The following PPP3CA variants were observed in gnomAD, a reference collection of about 807,000 sequenced individuals.
The protein encoded by PPP3CA is protein phosphatase 3 catalytic subunit alpha.
PPP3CA carries 14 observed loss-of-function variants against 66.5 expected under a neutral mutation model. The ratio of observed to expected loss-of-function variants is 0.21; its 90% confidence interval spans 0.14 to 0.33. PPP3CA has a LOEUF of 0.33. PPP3CA is among the 10% of genes least tolerant of loss of function. The probability of loss-of-function intolerance (pLI) is 1.00; values close to 1 mark genes in which losing one functional copy is unlikely to be tolerated. For missense variants in PPP3CA, 317 were observed against 639.5 expected (o/e 0.50, Z 5.44); for synonymous variants, 232 against 226.2 (o/e 1.03, Z -0.23).
intron 1 of PPP3CA, among the ~76,000 whole-genome samples, chr4:101,285,599 A>ATGTGTGTGTGTGTG (rs56681112): frequency 4.0e-5 from 5 of 124,592 alleles, no homozygotes; most frequent in African/African-American, 1.5e-4. Context: ...CACTGTGTGT[A>ATGTGTGTGTGTGTG]TGTGTGTGTG....
intron 1 of PPP3CA, among the ~76,000 whole-genome samples, chr4:101,273,139 T>TTA (rs1727384272): frequency 6.6e-5 from 10 of 151,980 alleles, no homozygotes; most frequent in Admixed American, 3.9e-4. Flanking sequence ...GTAGGATAGA[T>TTA]ATTGTTTTGA....
At chr4:101,073,459 T>C (rs1729011505) in intron 8 of PPP3CA, among the ~76,000 whole-genome samples, 1 of 152,026 alleles carries the variant, frequency 6.6e-6, no homozygotes. Context: ...GTATGTTTAG[T>C]ACAGACGGGG....
intron 11 of PPP3CA, among the ~76,000 whole-genome samples, chr4:101,039,937 T>C (rs1727431396): frequency 6.9e-6 from 1 of 145,854 alleles, no homozygotes; most frequent in Admixed American, 6.8e-5. Context: ...TTCAAGAAAA[T>C]ATTTGTTTTC....
At chr4:101,308,768 T>A (rs1189350285) in intron 1 of PPP3CA, among the ~76,000 whole-genome samples, 3 of 152,212 alleles carry the variant, frequency 2.0e-5, no homozygotes, top group Non-Finnish European at 4.4e-5. Context: ...TTCATTTATT[T>A]TGTAGTCACA....
At chr4:101,253,723 T>C (rs1726749388) in intron 1 of PPP3CA, among the ~76,000 whole-genome samples, 1 of 152,120 alleles carries the variant, frequency 6.6e-6, no homozygotes, top group Admixed American at 6.6e-5. Context: ...ATGACTTATA[T>C]AAGAGCTTAC....
At chr4:101,057,332 T>C (rs1578408902) in intron 10 of PPP3CA, among the ~76,000 whole-genome samples, 1 of 152,158 alleles carries the variant, frequency 6.6e-6, no homozygotes. Context: ...GCTGGGATTA[T>C]AGGCATGAGC....
In PPP3CA at chr4:101,139,696, G is replaced by GTTTTT. The variant is rs372257350; in HGVS notation, c.260-30623_260-30619dup. 8.8e-4 allele frequency among the ~76,000 whole-genome samples: 87 copies of GTTTTT among 98,384 alleles called. 1 individual carries two copies. Among genetic ancestry groups the GTTTTT allele is most frequent in the African/African-American group, 1.1e-3 (28 of 24,978 alleles). The allele number at this position is 98,384 out of a possible 152,430, so 64.5% of individuals were successfully genotyped here. On this transcript the variant is annotated intron_variant, in intron 2 of 13. Coordinates refer to ENST00000394854, the MANE Select transcript of PPP3CA (RefSeq NM_000944.5). ...AGTGACTTTTGAGGGTTTTTTTTGT[G>GTTTTT]TTTTTTTTTTTTTTTTTTTTTGTCG...
intron 7 of PPP3CA, among the ~76,000 whole-genome samples, chr4:101,081,521 G>GT (rs1370886343): frequency 6.6e-6 from 1 of 152,128 alleles, no homozygotes; most frequent in Non-Finnish European, 1.5e-5. Context: ...GGATAAAAAT[G>GT]TATCTCATGA....
chr4:101,148,985 AATAAAG>A (rs1723052045), intron 2 of PPP3CA, among the ~76,000 whole-genome samples: 1 of 152,176 alleles, frequency 6.6e-6, no homozygotes, highest in African/African-American at 2.4e-5. Flanking sequence ...CATATTAATG[AATAAAG>A]ATAATTTTTT....
chr4:101,281,161 A>G (rs992453904), intron 1 of PPP3CA, among the ~76,000 whole-genome samples: 3 of 152,094 alleles, frequency 2.0e-5, no homozygotes, highest in South Asian at 2.1e-4. Flanking sequence ...GACTTTGACA[A>G]AAGAAGGCTC....
At chr4:101,153,906 A>T (rs1430908724) in intron 2 of PPP3CA, among the ~76,000 whole-genome samples, 1 of 152,054 alleles carries the variant, frequency 6.6e-6, no homozygotes, top group African/African-American at 2.4e-5. Context: ...GTTGTACAGG[A>T]TGTGGATTCT....
intron 2 of PPP3CA, among the ~76,000 whole-genome samples, chr4:101,184,158 T>C (rs776579140): frequency 6.6e-6 from 1 of 152,018 alleles, no homozygotes; most frequent in Non-Finnish European, 1.5e-5. Context: ...GAGAAAGAAA[T>C]AGGTAGAGAA....
intron 1 of PPP3CA, among the ~76,000 whole-genome samples, chr4:101,342,412 CTTTAT>C (rs1729845844): frequency 6.6e-6 from 1 of 152,066 alleles, no homozygotes; most frequent in African/African-American, 2.4e-5. Flanking sequence ...GTTATATTCA[CTTTAT>C]AATAGTCCCA....
At chr4:101,107,099 G>GC (rs139566591) in intron 3 of PPP3CA, among the ~76,000 whole-genome samples, 5 of 152,300 alleles carry the variant, frequency 3.3e-5, no homozygotes, top group African/African-American at 1.2e-4. Context: ...AACAAGGTTA[G>GC]CAGAGTTCAC....
rs531922286 is a variant in PPP3CA, at chr4:101,246,832, T to C, written c.59-50716A>G. On this transcript the variant is annotated intron_variant, in intron 1 of 13. Coordinates refer to ENST00000394854, the MANE Select transcript of PPP3CA (RefSeq NM_000944.5). Reference sequence around the variant, plus strand: ...TATAATAGACTTAATTAAAGAGTAGTGCTAATGAGGCAAAGGTGAAAAAAA... The same window carrying C: ...TATAATAGACTTAATTAAAGAGTAGCGCTAATGAGGCAAAGGTGAAAAAAA... Among the ~76,000 whole-genome samples, 5 of 152,270 alleles carry C rather than the reference T, an allele frequency of 3.3e-5. No homozygotes were observed. The South Asian group carries it at 1.0e-3, about 32-fold the overall frequency.
chr4:101,202,948 T>C (rs760867102), intron 1 of PPP3CA, among the ~76,000 whole-genome samples: 1 of 152,198 alleles, frequency 6.6e-6, no homozygotes, highest in Non-Finnish European at 1.5e-5. Flanking sequence ...ACAGTATGTG[T>C]CTTGATCATT....
At chr4:101,262,598 A>T (rs1210862195) in intron 1 of PPP3CA, among the ~76,000 whole-genome samples, 1 of 152,136 alleles carries the variant, frequency 6.6e-6, no homozygotes, top group East Asian at 1.9e-4. Context: ...AGAAAATGAG[A>T]TAGAGGCAGG....
At chr4:101,063,087 C>T (rs1728543386) in intron 9 of PPP3CA, 145 bp downstream of exon 9, 1 of 973,032 alleles carries the variant, frequency 1.0e-6, no homozygotes, top group Non-Finnish European at 1.5e-6. Flanking sequence ...GAGTGACACA[C>T]TGCCACTTCC....
chr4:101,085,833 TATACAC>T (rs370083033), intron 6 of PPP3CA, among the ~76,000 whole-genome samples: 2 of 142,636 alleles, frequency 1.4e-5, no homozygotes, highest in African/African-American at 5.5e-5. Flanking sequence ...GCACTGCGTA[TATACAC>T]ACACACACAC....
Sources: allele counts gnomAD v4.1 joint callset (sites outside exome capture counted in the v4.1 genomes callset), GRCh38; gene constraint gnomAD v4.1.1; transcripts MANE v1.5; gene names NCBI Gene and HGNC (gene_info 2026-07-23, HGNC 2026-07-21).